CHD7: variants seen among roughly 807,000 people sequenced by gnomAD.
CHD7 encodes the protein ATP-dependent chromatin remodeler CHD7.
A neutral mutation model predicts 307.3 loss-of-function variants in CHD7; 24 were observed. The observed-to-expected ratio is 0.08, with a 90% CI of 0.06 to 0.11. The LOEUF is 0.11. CHD7 is among the 10% of genes least tolerant of loss of function. CHD7 has a pLI of 1.00. For synonymous variants in CHD7, 1,363 were observed against 1,349.9 expected (o/e 1.01, Z -0.21); for missense variants, 3,106 against 3,727.1 (o/e 0.83, Z 4.34).
intron 2 of CHD7, among the ~76,000 whole-genome samples, chr8:60,747,759 A>T (rs1359873784): frequency 6.6e-6 from 1 of 152,220 alleles, no homozygotes; most frequent in Non-Finnish European, 1.5e-5. Context: ...TTGGAGTCTG[A>T]GTTTTTGAAT....
In CHD7 at chr8:60,795,195, T is replaced by A. The variant is rs768993751; in HGVS notation, c.2238+68T>A. ...TGGGTAACTTTAGCCATGTATGAAG[T>A]ACACAAGACCTCCCCTATCTTGTTA... On this transcript the variant is annotated intron_variant, in intron 4 of 37. Coordinates refer to ENST00000423902, the MANE Select transcript of CHD7 (RefSeq NM_017780.4). The A allele has an allele frequency of 2.5e-5, 36 of 1,451,048 alleles. No individual in the cohort carries two copies. The Middle Eastern group carries it at 5.3e-4, about 21-fold the overall frequency. The allele number at this position is 1,451,048 out of a possible 1,614,324, so 89.9% of individuals were successfully genotyped here.
At chr8:60,720,657 A>G (rs1400351263) in intron 1 of CHD7, among the ~76,000 whole-genome samples, 1 of 152,138 alleles carries the variant, frequency 6.6e-6, no homozygotes, top group Non-Finnish European at 1.5e-5. Flanking sequence ...TGGTAGAGAG[A>G]GAGTAAAGGC....
chr8:60,827,154 C>T lies in CHD7; in HGVS notation c.3379-1509C>T, dbSNP rs142264495. Among the ~76,000 whole-genome samples, 322 of 151,570 alleles carry T rather than the reference C, an allele frequency of 2.1e-3. 3 individuals are homozygous for T. The highest frequency in any genetic ancestry group is 0.012 in the East Asian group (61 of 5,162). On this transcript the variant is annotated intron_variant, in intron 13 of 37. Coordinates refer to ENST00000423902, the MANE Select transcript of CHD7 (RefSeq NM_017780.4). Reference sequence around the variant, plus strand: ...GAAAGGAGTTCCTAATGCTAGATGACGAGTTAGTGGGTGCAGCGCACCAGC... The same window carrying T: ...GAAAGGAGTTCCTAATGCTAGATGATGAGTTAGTGGGTGCAGCGCACCAGC...
At chr8:60,818,542 A>G (rs1411881926) in intron 8 of CHD7, among the ~76,000 whole-genome samples, 9 of 152,262 alleles carry the variant, frequency 5.9e-5, no homozygotes. Context: ...AAGCCAGTGC[A>G]TTAATACACT....
chr8:60,679,674 C>T (rs185249106), intron 1 of CHD7: 18,981 of 146,842 alleles, frequency 0.13, 1,799 homozygotes, highest in African/African-American at 0.26. Flanking sequence ...CGCCCCCGCC[C>T]CCCGCTCCGG....
At chr8:60,705,566 T>G (rs995315299) in intron 1 of CHD7, among the ~76,000 whole-genome samples, 1 of 152,194 alleles carries the variant, frequency 6.6e-6, no homozygotes, top group Non-Finnish European at 1.5e-5. Flanking sequence ...ACACTGTAAA[T>G]AGGTGCCATA....
At chr8:60,712,852 C>G (rs1206677792) in intron 1 of CHD7, among the ~76,000 whole-genome samples, 2 of 151,930 alleles carry the variant, frequency 1.3e-5, no homozygotes, top group African/African-American at 2.4e-5. Context: ...GAGTTCGAGA[C>G]CAGCCTGGCT....
Position 60,828,871 on chromosome 8 carries a change from G to A in CHD7, c.3522+65G>A, listed in dbSNP as rs553645674. 5.6e-6 allele frequency: 8 copies of A among 1,428,864 alleles called. 1 individual carries two copies. The Middle Eastern group carries it at 8.8e-4, about 158-fold the overall frequency. The allele number at this position is 1,428,864 out of a possible 1,614,324, so 88.5% of individuals were successfully genotyped here. On this transcript the variant is annotated intron_variant, in intron 14 of 37. Coordinates refer to ENST00000423902, the MANE Select transcript of CHD7 (RefSeq NM_017780.4). ...GAAGATTAGCCCATGAAATGGCAAAGTATTAAGTTATTTTAAAGTGTGATT... is the reference window on the plus strand; with the variant it reads ...GAAGATTAGCCCATGAAATGGCAAAATATTAAGTTATTTTAAAGTGTGATT...
intron 2 of CHD7, among the ~76,000 whole-genome samples, chr8:60,771,697 A>G (rs1810721680): frequency 7.5e-5 from 2 of 26,646 alleles, no homozygotes; most frequent in South Asian, 2.6e-3. Flanking sequence ...GGAGGAATCC[A>G]TGTTCAGATT....
intron 1 of CHD7, among the ~76,000 whole-genome samples, chr8:60,693,255 G>A (rs1350601580): frequency 6.6e-6 from 1 of 152,194 alleles, no homozygotes; most frequent in Non-Finnish European, 1.5e-5. Context: ...CAACTTGCAC[G>A]GTTGGGGAGA....
intron 1 of CHD7, among the ~76,000 whole-genome samples, chr8:60,733,083 A>C (rs1808533618): frequency 6.6e-6 from 1 of 151,910 alleles, no homozygotes; most frequent in African/African-American, 2.4e-5. Flanking sequence ...GAAAAAAAAA[A>C]AATTAGCTGG....
chr8:60,787,142 T>C (rs183024453), intron 3 of CHD7, among the ~76,000 whole-genome samples: 2 of 152,110 alleles, frequency 1.3e-5, no homozygotes, highest in African/African-American at 4.8e-5. Flanking sequence ...TGTGGGAGTT[T>C]GGTTTCTCCT....
intron 1 of CHD7, among the ~76,000 whole-genome samples, chr8:60,702,752 G>A (rs769426824): frequency 1.3e-5 from 2 of 152,174 alleles, no homozygotes; most frequent in Non-Finnish European, 2.9e-5. Context: ...ACTGAAACTT[G>A]GTGGCTTAAA....
At chr8:60,765,748 T>G (rs1298058979) in intron 2 of CHD7, among the ~76,000 whole-genome samples, 1 of 152,228 alleles carries the variant, frequency 6.6e-6, no homozygotes, top group Non-Finnish European at 1.5e-5. Context: ...GTTTCAGCTT[T>G]CAGTGTGGTT....
chr8:60,748,788 A>G (rs1809459732), intron 2 of CHD7, among the ~76,000 whole-genome samples: 1 of 152,188 alleles, frequency 6.6e-6, no homozygotes, highest in African/African-American at 2.4e-5. Flanking sequence ...GTGTCCTTAA[A>G]ATAAGTTTAT....
rs140459703 is a variant in CHD7, at chr8:60,849,194, G to T, written c.5404+40G>T. 3.1e-6 allele frequency: 4 copies of T among 1,297,042 alleles called. No individual in the cohort carries two copies. In the Admixed American group the frequency reaches 5.4e-5, roughly 18 times the overall value. 80.3% of individuals were successfully genotyped at this position (1,297,042 alleles called of 1,614,324 possible). A position where few individuals can be genotyped will look rare whatever the true frequency, so the allele number is the denominator to read the frequency against. ...TGTTTGAATACATCTCAACTGTATG[G>T]CTTGGTCTTTATTTAGAACTCTTTA... On this transcript the variant is annotated intron_variant, in intron 25 of 37. Transcript: ENST00000423902.
chr8:60,800,693 A>G (rs987031839), intron 5 of CHD7, among the ~76,000 whole-genome samples, 168 bp downstream of exon 5: 1 of 152,364 alleles, frequency 6.6e-6, no homozygotes, highest in Middle Eastern at 3.4e-3. Context: ...AATATCTTTT[A>G]AAAAGCCCTG....
intron 3 of CHD7, among the ~76,000 whole-genome samples, chr8:60,787,315 T>C (rs530680255): frequency 2.1e-4 from 32 of 152,274 alleles, no homozygotes; most frequent in African/African-American, 7.5e-4. Flanking sequence ...ATGATGAATC[T>C]AGGGAGGGGG....
chr8:60,757,477 C>T (rs1809956284), intron 2 of CHD7, among the ~76,000 whole-genome samples: 1 of 152,178 alleles, frequency 6.6e-6, no homozygotes, highest in South Asian at 2.1e-4. Flanking sequence ...AATTATCTCA[C>T]TAAACAGGCA....
Sources: gnomAD v4.1 joint callset for allele counts (sites outside exome capture counted in the v4.1 genomes callset) on GRCh38, gnomAD v4.1.1 for gene constraint, MANE v1.5 for transcripts, NCBI Gene and HGNC (gene_info 2026-07-23, HGNC 2026-07-21) for gene names.